The following CAMK2B variants were observed in gnomAD, a reference collection of about 807,000 sequenced individuals.
CAMK2B encodes the protein calcium/calmodulin dependent protein kinase II beta, also known as calcium/calmodulin-dependent protein kinase type II subunit beta.
A neutral mutation model predicts 93.7 loss-of-function variants in CAMK2B; 27 were observed. That is an observed-to-expected ratio of 0.29 (90% confidence interval 0.21 to 0.40). The LOEUF (loss-of-function observed/expected upper bound fraction) is 0.40. CAMK2B is among the 10% of genes least tolerant of loss of function. CAMK2B has a pLI of 1.00. For missense variants in CAMK2B, 568 were observed against 895.8 expected, an observed-to-expected ratio of 0.63 and a Z score of 4.67; for synonymous variants, 374 against 358.8, an observed-to-expected ratio of 1.04 and a Z score of -0.48.
rs559590044 is a variant in CAMK2B, at chr7:44,291,571, A to C, written c.66-7346T>G. On this transcript the variant is annotated intron_variant, in intron 1 of 23. Transcript: ENST00000395749. ...CCGGCATCCAAGCATGTGCCTTATC[A>C]GCACGGGAGTTCCTGTTTTGTGTTT... Among the ~76,000 whole-genome samples the C allele has an allele frequency of 7.9e-5, 12 of 152,356 alleles. No homozygotes were observed. The East Asian group carries it at 2.3e-3, about 29-fold the overall frequency.
intron 1 of CAMK2B, among the ~76,000 whole-genome samples, chr7:44,288,909 G>A (rs376100415): frequency 7.2e-5 from 11 of 152,110 alleles, no homozygotes; most frequent in African/African-American, 2.7e-4. Context: ...TACCTCCCCT[G>A]ACTGCAGCCA....
At chr7:44,322,803 G>A (rs1205434364) in intron 1 of CAMK2B, among the ~76,000 whole-genome samples, 3 of 152,246 alleles carry the variant, frequency 2.0e-5, no homozygotes, top group East Asian at 1.9e-4. Flanking sequence ...CAGTGGCCTC[G>A]TCACACATGA....
chr7:44,316,390 A>G (rs1304815166), intron 1 of CAMK2B, among the ~76,000 whole-genome samples: 3 of 152,204 alleles, frequency 2.0e-5, no homozygotes, highest in Non-Finnish European at 4.4e-5. Flanking sequence ...TTCATAATGT[A>G]TAAATAATCC....
At chr7:44,272,377 G>GT (rs1464809506) in intron 2 of CAMK2B, among the ~76,000 whole-genome samples, 5 of 152,182 alleles carry the variant, frequency 3.3e-5, no homozygotes, top group African/African-American at 1.2e-4. Flanking sequence ...GCACCTCTTG[G>GT]GGTCCCAAGT....
chr7:44,313,290 G>A lies in CAMK2B; in HGVS notation c.65+12067C>T, dbSNP rs193274228. 9.9e-4 allele frequency among the ~76,000 whole-genome samples: 150 copies of A among 152,272 alleles called. No individual in the cohort carries two copies. In the Middle Eastern group the frequency reaches 0.034, roughly 35 times the overall value. ...GAAGTCCCACACTGCAATGGAAGTC[G>A]TCCTGCTGCTATGAGGCCCTGACAA... On this transcript the variant is annotated intron_variant, in intron 1 of 23. Coordinates refer to ENST00000395749, the MANE Select transcript of CAMK2B (RefSeq NM_001220.5).
At chr7:44,322,339 G>C (rs1796317182) in intron 1 of CAMK2B, among the ~76,000 whole-genome samples, 1 of 152,150 alleles carries the variant, frequency 6.6e-6, no homozygotes, top group African/African-American at 2.4e-5. Context: ...AAATACAAAA[G>C]CAGTAGTTGG....
At chr7:44,318,300 G>C (rs1010168411) in intron 1 of CAMK2B, among the ~76,000 whole-genome samples, 7 of 152,232 alleles carry the variant, frequency 4.6e-5, no homozygotes, top group African/African-American at 1.7e-4. Flanking sequence ...TGACAAGACT[G>C]TCTACCCAGA....
intron 2 of CAMK2B, among the ~76,000 whole-genome samples, chr7:44,265,221 T>C (rs2096912753): frequency 1.3e-5 from 2 of 152,358 alleles, no homozygotes; most frequent in South Asian, 4.1e-4. Flanking sequence ...GACGCGTGTG[T>C]AACACCAGGC....
chr7:44,234,773 G>A (rs1387505155), intron 13 of CAMK2B, 97 bp from the exon 14 acceptor site: 3 of 1,351,914 alleles, frequency 2.2e-6, no homozygotes, highest in Admixed American at 3.8e-5. Flanking sequence ...CTTTCCCCAG[G>A]AGCAAGCCCA....
intron 5 of CAMK2B, among the ~76,000 whole-genome samples, chr7:44,251,904 C>T (rs77284914): frequency 0.011 from 1,679 of 152,290 alleles, 32 homozygotes; most frequent in African/African-American, 0.038. Flanking sequence ...TCTCCCCTCC[C>T]GAGCCTACCC....
chr7:44,231,525 G>A (rs2096579341), intron 16 of CAMK2B, among the ~76,000 whole-genome samples: 1 of 152,242 alleles, frequency 6.6e-6, no homozygotes, highest in South Asian at 2.1e-4. Context: ...ATTCCAAGAC[G>A]TAAAACACAA....
intron 1 of CAMK2B, among the ~76,000 whole-genome samples, chr7:44,301,868 C>A (rs1367119141): frequency 6.6e-6 from 1 of 151,864 alleles, no homozygotes; most frequent in African/African-American, 2.4e-5. Flanking sequence ...CAAATTAAAT[C>A]CAAAGTAAGC....
chr7:44,225,907 C>T lies in CAMK2B; in HGVS notation c.1597+609G>A, dbSNP rs1042610555. On this transcript the variant is annotated intron_variant, in intron 20 of 23. Coordinates refer to ENST00000395749, the MANE Select transcript of CAMK2B (RefSeq NM_001220.5). This position sits in a 1 kb window ranked among gnomAD's most constrained non-coding sequence, Gnocchi z 5.0. ...TCATCCATCCCTGTAAGTGATACTG[C>T]GGGTAGTCGGCAGACAGACCGGGAG... 1.2e-5 allele frequency: 16 copies of T among 1,285,266 alleles called. No homozygotes were observed. The highest frequency in any genetic ancestry group is 1.2e-5 in the South Asian group (1 of 80,758). 79.6% of individuals were successfully genotyped at this position (1,285,266 alleles called of 1,614,324 possible).
intron 2 of CAMK2B, among the ~76,000 whole-genome samples, chr7:44,283,509 C>G (rs566531604): frequency 1.3e-5 from 2 of 152,338 alleles, no homozygotes; most frequent in South Asian, 4.1e-4. Flanking sequence ...TCGCACACAC[C>G]CTGCACGTCT....
At position 44,286,724 on chromosome 7, in the gene CAMK2B, C is replaced by T. The variant is rs1465566432; in HGVS notation, c.66-2499G>A. Among the ~76,000 whole-genome samples, 1 of 152,242 alleles carries T rather than the reference C, an allele frequency of 6.6e-6. No individual in the cohort carries two copies. The highest frequency in any genetic ancestry group is 2.4e-5 in the African/African-American group (1 of 41,464). On this transcript the variant is annotated intron_variant, in intron 1 of 23. Transcript: ENST00000395749. The surrounding 1 kb of genome is among the most constrained non-coding windows in gnomAD (Gnocchi z 4.0). ...GAAGGCTCCAGAGCCGCCCCTGCAC[C>T]ATCAGCCTAGGTCGGAGCAGTCAGC...
At chr7:44,249,319 C>A (rs1486785171) in intron 5 of CAMK2B, among the ~76,000 whole-genome samples, 1 of 152,070 alleles carries the variant, frequency 6.6e-6, no homozygotes, top group East Asian at 1.9e-4. Context: ...AGACGGGAAG[C>A]CTGGGAAGTC....
chr7:44,321,910 A>G (rs935259790), intron 1 of CAMK2B, among the ~76,000 whole-genome samples: 5 of 152,356 alleles, frequency 3.3e-5, no homozygotes, highest in African/African-American at 1.2e-4. Context: ...GTGAGTGGAC[A>G]CTGCAGGGAG....
rs561147667 is a variant in CAMK2B at position 44,218,493 on chromosome 7, T to G, written c.*1032A>C. On this transcript the variant is annotated 3_prime_UTR_variant, in exon 24 of 24. Transcript: ENST00000395749. ...CCTTTGTCAAAAGTCTGCTCCCCCT[T>G]GCGGGCTGCAGAGAAGCCGAACAGG... 6.6e-6 allele frequency: 1 copy of G among 152,314 alleles called. No homozygotes were observed. The highest frequency in any genetic ancestry group is 1.9e-4 in the East Asian group (1 of 5,176). 9.4% of individuals were successfully genotyped at this position (152,314 alleles called of 1,614,324 possible).
At chr7:44,309,081 C>T (rs567075668) in intron 1 of CAMK2B, among the ~76,000 whole-genome samples, 240 of 152,340 alleles carry the variant, frequency 1.6e-3, no homozygotes, top group African/African-American at 5.3e-3. Flanking sequence ...CTAGTAGGCT[C>T]CTACCACCAA....
Sources: gnomAD v4.1 joint callset for allele counts (sites outside exome capture counted in the v4.1 genomes callset) on GRCh38, gnomAD v4.1.1 for gene constraint, Gnocchi (gnomAD v3.1) non-coding constraint, MANE v1.5 for transcripts, NCBI Gene and HGNC (gene_info 2026-07-23, HGNC 2026-07-21) for gene names.